Variants in RNF152 observed in about 807,000 individuals in gnomAD.
RNF152 encodes the protein ring finger protein 152.
A neutral mutation model predicts 12.7 loss-of-function variants in RNF152; 11 were observed. That is an observed-to-expected ratio of 0.86 (90% confidence interval 0.54 to 1.43). The LOEUF (loss-of-function observed/expected upper bound fraction) is 1.43, where lower values mean the gene tolerates loss of function less well. Ranked by LOEUF, RNF152 falls within the 40% of genes most tolerant of loss-of-function variation. The probability of loss-of-function intolerance (pLI) is 0.00; values close to 1 mark genes in which losing one functional copy is unlikely to be tolerated. For missense variants in RNF152, 255 were observed against 274.8 expected (o/e 0.93, Z 0.51); for synonymous variants, 113 against 120.3 (o/e 0.94, Z 0.40).
Position 61,813,118 on chromosome 18 carries a change from G to T in RNF152, c.*2734C>A, listed in dbSNP as rs929587615. 1 of 152,116 alleles carries T rather than the reference G, an allele frequency of 6.6e-6. No homozygotes were observed. Among genetic ancestry groups the T allele is most frequent in the Non-Finnish European group, 1.5e-5 (1 of 68,022 alleles). The allele number at this position is 152,116 out of a possible 1,614,324, so 9.4% of individuals were successfully genotyped here. A position where few individuals can be genotyped will look rare whatever the true frequency, so the allele number is the denominator to read the frequency against. On this transcript the variant is annotated 3_prime_UTR_variant, in exon 2 of 2. Coordinates refer to ENST00000312828, the MANE Select transcript of RNF152 (RefSeq NM_173557.3). Reference sequence around the variant, plus strand: ...GTGCAAGTATGAATCCTGGCCTCTTGTGTCAGTGGACTTTGGTCACATGGG... The same window carrying T: ...GTGCAAGTATGAATCCTGGCCTCTTTTGTCAGTGGACTTTGGTCACATGGG...
At chr18:61,857,406 C>T (rs908454770) in intron 1 of RNF152, among the ~76,000 whole-genome samples, 3 of 152,070 alleles carry the variant, frequency 2.0e-5, no homozygotes, top group Non-Finnish European at 4.4e-5. Flanking sequence ...AAATATTTTG[C>T]CTTGGAACTG....
In RNF152 at chr18:61,815,534, G is replaced by A. The variant is rs1309053854; in HGVS notation, c.*318C>T. ...ATTGTACGCACTTGTACAGTTTAACGTCTAAGTAGAATATGTCTATCTTGT... is the reference window on the plus strand; with the variant it reads ...ATTGTACGCACTTGTACAGTTTAACATCTAAGTAGAATATGTCTATCTTGT... On this transcript the variant is annotated 3_prime_UTR_variant, in exon 2 of 2. Transcript: ENST00000312828. 3.0e-5 allele frequency: 9 copies of A among 299,848 alleles called. No homozygotes were observed. Among genetic ancestry groups the A allele is most frequent in the Admixed American group, 1.4e-4 (3 of 21,216 alleles). 18.6% of individuals were successfully genotyped at this position (299,848 alleles called of 1,614,324 possible). A position where few individuals can be genotyped will look rare whatever the true frequency, so the allele number is the denominator to read the frequency against.
At chr18:61,872,760 C>T (rs1912047357) in intron 1 of RNF152, among the ~76,000 whole-genome samples, 2 of 152,148 alleles carry the variant, frequency 1.3e-5, no homozygotes, top group South Asian at 4.2e-4. Flanking sequence ...CTATAATTTC[C>T]AGATGAATTT....
rs975949233 is a variant in RNF152, at chr18:61,813,921, T to C, written c.*1931A>G. ...TATGTTATGTAATAGAGGATAGTAT[T>C]CAGCTAATATGACACCTAAATTATT... is the stretch of plus-strand genomic sequence containing the variant. On this transcript the variant is annotated 3_prime_UTR_variant, in exon 2 of 2. Transcript: ENST00000312828. The C allele has an allele frequency of 1.3e-5, 2 of 152,218 alleles. No homozygotes were observed. The highest frequency in any genetic ancestry group is 4.8e-5 in the African/African-American group (2 of 41,448). 9.4% of individuals were successfully genotyped at this position (152,218 alleles called of 1,614,324 possible). A position where few individuals can be genotyped will look rare whatever the true frequency, so the allele number is the denominator to read the frequency against.
In RNF152 at chr18:61,838,052, C is replaced by T. The variant is rs142048666; in HGVS notation, c.-135-21454G>A. ...TGGTTCCTCTGACTTAAAGGCTTCC[C>T]GTCCCCACATACAAAGGTAGAGGTT... On this transcript the variant is annotated intron_variant, in intron 1 of 1. Coordinates refer to ENST00000312828, the MANE Select transcript of RNF152 (RefSeq NM_173557.3). Among the ~76,000 whole-genome samples the T allele has an allele frequency of 1.4e-3, 217 of 152,298 alleles. 2 individuals are homozygous for T. The highest frequency in any genetic ancestry group is 0.014 in the Middle Eastern group (4 of 294).
intron 1 of RNF152, among the ~76,000 whole-genome samples, chr18:61,849,130 G>A (rs999612765): frequency 3.9e-5 from 6 of 152,138 alleles, no homozygotes; most frequent in Non-Finnish European, 7.4e-5. Context: ...CCTCTCTCTC[G>A]CTCCACTGAG....
At chr18:61,893,714 G>C (rs1404850368), upstream of RNF152, 1 of 152,468 alleles carries the variant, frequency 6.6e-6, no homozygotes, top group Non-Finnish European at 1.5e-5. Flanking sequence ...GCCGGGGTGT[G>C]TGCGGGCCGG....
chr18:61,883,349 C>T (rs1423452390), intron 1 of RNF152, among the ~76,000 whole-genome samples: 2 of 152,100 alleles, frequency 1.3e-5, no homozygotes, highest in East Asian at 3.8e-4. Context: ...TATTGTATAG[C>T]CTAGATTCCT....
chr18:61,831,680 GAACAAACA>G (rs112627330), intron 1 of RNF152, among the ~76,000 whole-genome samples: 3 of 151,426 alleles, frequency 2.0e-5, no homozygotes, highest in Non-Finnish European at 2.9e-5. Flanking sequence ...CCTCAAAGCA[GAACAAACA>G]AACAAACAAA....
At chr18:61,857,284 A>G (rs988701625) in intron 1 of RNF152, among the ~76,000 whole-genome samples, 1 of 152,222 alleles carries the variant, frequency 6.6e-6, no homozygotes, top group East Asian at 1.9e-4. Flanking sequence ...GTCCAAAGTC[A>G]ATTCATGTCA....
chr18:61,855,369 C>T (rs1911175407), intron 1 of RNF152, among the ~76,000 whole-genome samples: 1 of 152,266 alleles, frequency 6.6e-6, no homozygotes, highest in African/African-American at 2.4e-5. Context: ...CTGTTTGGAG[C>T]AGCCACTGCA....
intron 1 of RNF152, among the ~76,000 whole-genome samples, chr18:61,883,793 G>T (rs1174517419): frequency 2.0e-5 from 3 of 151,452 alleles, no homozygotes; most frequent in African/African-American, 7.4e-5. Flanking sequence ...CAGGTTGCCT[G>T]GGGGCTAGCT....
Position 61,832,596 on chromosome 18 carries a change from G to A in RNF152, c.-135-15998C>T, listed in dbSNP as rs559425971. ...ATTCTCAATAACTTATCTTTCTCAG[G>A]ATAGTCATGAAAAGTATCTAACATC... is the stretch of plus-strand genomic sequence containing the variant. On this transcript the variant is annotated intron_variant, in intron 1 of 1. Transcript: ENST00000312828. Among the ~76,000 whole-genome samples the A allele has an allele frequency of 6.6e-5, 10 of 152,064 alleles. No individual in the cohort carries two copies. In the South Asian group the frequency reaches 2.1e-3, roughly 32 times the overall value.
chr18:61,855,591 C>T (rs1911187447), intron 1 of RNF152, among the ~76,000 whole-genome samples: 1 of 152,242 alleles, frequency 6.6e-6, no homozygotes. Flanking sequence ...TGCAGCTTCG[C>T]ATGGAGCCAG....
intron 1 of RNF152, among the ~76,000 whole-genome samples, chr18:61,858,957 T>C (rs1325847327): frequency 2.0e-5 from 3 of 152,190 alleles, no homozygotes; most frequent in African/African-American, 4.8e-5. Flanking sequence ...AAATCATATT[T>C]GGGGAAACTC....
rs1050068922 is a variant in RNF152 at position 61,878,836 on chromosome 18, C to G, written c.-136+13959G>C. Among the ~76,000 whole-genome samples the G allele has an allele frequency of 5.3e-5, 8 of 152,208 alleles. 1 individual carries two copies. Among genetic ancestry groups the G allele is most frequent in the Admixed American group, 4.6e-4 (7 of 15,280 alleles). On this transcript the variant is annotated intron_variant, in intron 1 of 1. Transcript: ENST00000312828. ...GCCTAATCAACTCCTAAAGGCCCAG[C>G]TCTTAATACCATCATCTTGGGGTTT...
chr18:61,837,051 G>T (rs1224061693), intron 1 of RNF152, among the ~76,000 whole-genome samples: 1 of 152,156 alleles, frequency 6.6e-6, no homozygotes, highest in Non-Finnish European at 1.5e-5. Context: ...AATAATGGAA[G>T]AGCTGACATC....
upstream of RNF152, chr18:61,894,112 A>G (rs1271541094): frequency 6.6e-6 from 1 of 152,044 alleles, no homozygotes; most frequent in Admixed American, 6.5e-5. The surrounding 1 kb of genome is among the most constrained non-coding windows in gnomAD (Gnocchi z 4.9). Context: ...CCCGATCCGG[A>G]GCCGGCAGAG....
intron 1 of RNF152, among the ~76,000 whole-genome samples, chr18:61,829,058 C>G (rs896983720): frequency 6.6e-6 from 1 of 152,072 alleles, no homozygotes; most frequent in East Asian, 1.9e-4. Context: ...GGAGGCAGTG[C>G]CCAGGGTGGT....
Sources: gnomAD v4.1 joint callset for allele counts (sites outside exome capture counted in the v4.1 genomes callset) on GRCh38, gnomAD v4.1.1 for gene constraint, Gnocchi (gnomAD v3.1) non-coding constraint, MANE v1.5 for transcripts, NCBI Gene and HGNC (gene_info 2026-07-23, HGNC 2026-07-21) for gene names.